UGT3A1: variants seen among roughly 807,000 people sequenced by gnomAD.
The protein encoded by UGT3A1 is UDP glycosyltransferase family 3 member A1.
Under a neutral mutation model 37.6 loss-of-function variants are expected in UGT3A1, and 40 were observed. That is an observed-to-expected ratio of 1.06 (90% CI 0.83 to 1.38). The LOEUF is 1.38. Among genes scored for constraint, UGT3A1 ranks in the 40% most tolerant of loss-of-function variants. UGT3A1 has a pLI of 0.00. For synonymous variants in UGT3A1, 256 were observed against 232.3 expected (o/e 1.10, Z -0.93); for missense variants, 642 against 634.2 (o/e 1.01, Z -0.13).
intron 1 of UGT3A1, among the ~76,000 whole-genome samples, chr5:35,990,045 T>C (rs1477007994): frequency 1.4e-5 from 2 of 147,304 alleles, no homozygotes; most frequent in Non-Finnish European, 3.0e-5. Flanking sequence ...TGAGTTGAGA[T>C]GGCGCCACTG....
intron 2 of UGT3A1, among the ~76,000 whole-genome samples, chr5:35,971,122 T>G (rs1181516959): frequency 1.3e-5 from 2 of 152,188 alleles, no homozygotes; most frequent in Non-Finnish European, 2.9e-5. Flanking sequence ...CCACAATCAC[T>G]GCCAGCAAGA....
At chr5:35,994,333 T>TTTGTTTGTGTGTGTGTGTG (rs1368444490), upstream of UGT3A1, among the ~76,000 whole-genome samples, 4 of 138,640 alleles carry the variant, frequency 2.9e-5, no homozygotes, top group East Asian at 8.7e-4. Flanking sequence ...TTTGTTTTGT[T>TTTGTTTGTGTGTGTGTGTG]TGTGTGTGTG....
chr5:35,993,975 G>C (rs143491927), upstream of UGT3A1, among the ~76,000 whole-genome samples: 2 of 152,188 alleles, frequency 1.3e-5, no homozygotes, highest in African/African-American at 4.8e-5. Context: ...TTCCTTCAAG[G>C]AGGGCGAGCC....
In UGT3A1 at chr5:35,954,415, C is replaced by T; in HGVS notation, c.1359G>A (p.Gln453=). The T allele has an allele frequency of 1.2e-6, 2 of 1,614,244 alleles. No individual in the cohort carries two copies. The highest frequency in any genetic ancestry group is 1.3e-5 in the African/African-American group (1 of 75,070). Residue 453 remains glutamine, a synonymous_variant, in exon 7 of 7, where the codon CAG becomes CAA. Transcript: ENST00000274278. ...TGTGGTCGATCCAGCCCACCAGCCG[C>T]TGTGCGGGGCTCAGGGGCTGAGAGT... The part of the protein sequence containing the change: ...ILHSQPLSPA[Q]RLVGWIDHIL...
chr5:35,958,784 T>C (rs1300303014), intron 4 of UGT3A1, among the ~76,000 whole-genome samples: 1 of 152,232 alleles, frequency 6.6e-6, no homozygotes, highest in Non-Finnish European at 1.5e-5. Flanking sequence ...AATTGTGCAT[T>C]CTTTCCCTCA....
chr5:35,997,976 C>G (rs1327909734), intron 1 of UGT3A1, among the ~76,000 whole-genome samples: 5 of 152,166 alleles, frequency 3.3e-5, no homozygotes, highest in African/African-American at 4.8e-5. Context: ...TCAGCTTTCC[C>G]CATGCCTGTC....
At chr5:35,986,723 A>T (rs567259616) in intron 2 of UGT3A1, among the ~76,000 whole-genome samples, 18 of 152,278 alleles carry the variant, frequency 1.2e-4, no homozygotes, top group African/African-American at 4.1e-4. Context: ...GTACATATCT[A>T]TAGCTTTACA....
intron 2 of UGT3A1, among the ~76,000 whole-genome samples, 173 bp from the exon 3 acceptor site, chr5:35,968,306 T>C (rs907580117): frequency 2.0e-5 from 3 of 152,326 alleles, no homozygotes; most frequent in Middle Eastern, 3.4e-3. Flanking sequence ...CACAACCTGA[T>C]AATATTGAGA....
At chr5:35,981,334 C>T (rs184284378) in intron 2 of UGT3A1, among the ~76,000 whole-genome samples, 27 of 152,246 alleles carry the variant, frequency 1.8e-4, no homozygotes, top group Admixed American at 1.8e-3. Context: ...CCAAGGGCCA[C>T]AGAAGAGTGG....
chr5:35,966,881 T>C (rs1225196592), intron 3 of UGT3A1, among the ~76,000 whole-genome samples: 2 of 152,228 alleles, frequency 1.3e-5, no homozygotes, highest in Admixed American at 6.5e-5. Context: ...CTGCCTGTTC[T>C]TAAGAATCAA....
At chr5:35,957,498 T>A in intron 4 of UGT3A1, 79 bp from the exon 5 acceptor site, 1 of 1,136,252 alleles carries the variant, frequency 8.8e-7, no homozygotes, top group Non-Finnish European at 1.3e-6. Context: ...CCAGTCTATT[T>A]ACTAAACATA....
intron 4 of UGT3A1, among the ~76,000 whole-genome samples, chr5:35,959,958 C>T (rs755936787): frequency 1.3e-5 from 2 of 151,858 alleles, no homozygotes; most frequent in Non-Finnish European, 2.9e-5. Context: ...ACAATAATAT[C>T]AGAGAGAATA....
At chr5:35,965,262 C>G (rs1739751226) in intron 4 of UGT3A1, 124 bp downstream of exon 4, 1 of 1,422,068 alleles carries the variant, frequency 7.0e-7, no homozygotes, top group Non-Finnish European at 9.5e-7. Context: ...TAAGAACGTG[C>G]CCTAGGTGCC....
At chr5:35,978,139 G>A (rs1376513577) in intron 2 of UGT3A1, among the ~76,000 whole-genome samples, 1 of 152,090 alleles carries the variant, frequency 6.6e-6, no homozygotes, top group East Asian at 1.9e-4. Flanking sequence ...GATTCAAGAA[G>A]TTCTCCTGCC....
chr5:35,967,800 C>T (rs1209808004), intron 3 of UGT3A1, among the ~76,000 whole-genome samples: 1 of 152,130 alleles, frequency 6.6e-6, no homozygotes, highest in Non-Finnish European at 1.5e-5. Flanking sequence ...TCTACTCTAT[C>T]CACTCAACCA....
upstream of UGT3A1, chr5:35,991,711 C>G: frequency 2.2e-6 from 2 of 895,214 alleles, no homozygotes; most frequent in Non-Finnish European, 2.7e-6. Context: ...CTCCATGCCC[C>G]CATTTTCCCC....
intron 2 of UGT3A1, among the ~76,000 whole-genome samples, chr5:35,971,846 C>T (rs1247320855): frequency 6.6e-6 from 1 of 152,172 alleles, no homozygotes. Flanking sequence ...TGGGGGCTCC[C>T]TTCTACCAAC....
intron 2 of UGT3A1, among the ~76,000 whole-genome samples, chr5:35,971,977 G>A (rs902819332): frequency 6.6e-6 from 1 of 152,080 alleles, no homozygotes. Context: ...GGAAAGCAAG[G>A]AGACCTATGC....
chr5:35,958,629 A>C (rs1288603988), intron 4 of UGT3A1, among the ~76,000 whole-genome samples: 1 of 152,270 alleles, frequency 6.6e-6, no homozygotes, highest in Non-Finnish European at 1.5e-5. Context: ...ATGACTCCGT[A>C]GAGTTTTGAA....
Sources: gnomAD v4.1 joint callset for allele counts (sites outside exome capture counted in the v4.1 genomes callset) on GRCh38, gnomAD v4.1.1 for gene constraint, MANE v1.5 for transcripts, NCBI Gene and HGNC (gene_info 2026-07-23, HGNC 2026-07-21) for gene names.